TRDN: variants seen among roughly 807,000 people sequenced by gnomAD.
The protein encoded by TRDN is triadin in skeletal muscle.
TRDN carries 161 observed loss-of-function variants against 149.7 expected under a neutral mutation model. That is an observed-to-expected ratio of 1.08 (90% CI 0.95 to 1.23). The LOEUF (loss-of-function observed/expected upper bound fraction) is 1.23, where lower values mean the gene tolerates loss of function less well. Ranked by LOEUF, TRDN falls within the 50% of genes most tolerant of loss-of-function variation. The probability of loss-of-function intolerance (pLI) is 0.00; values close to 1 mark genes in which losing one functional copy is unlikely to be tolerated. For synonymous variants in TRDN, 294 were observed against 250.5 expected (o/e 1.17, Z -1.64); for missense variants, 896 against 823.5 (o/e 1.09, Z -1.08).
chr6:123,361,191 AC>A lies in TRDN; in HGVS notation c.1321+4943del, dbSNP rs369478776. ...CCACAATGGTTGAACACCATAGAATACTATGCAGCCATAAAAAAACGATGAG... is the reference window on the plus strand; with the variant it reads ...CCACAATGGTTGAACACCATAGAATATATGCAGCCATAAAAAAACGATGAG... On this transcript the variant is annotated intron_variant, in intron 20 of 40. Transcript: ENST00000334268. Among the ~76,000 whole-genome samples the A allele has an allele frequency of 7.6e-4, 115 of 152,280 alleles. 1 individual carries two copies. In the South Asian group the frequency reaches 0.022, roughly 29 times the overall value.
At chr6:123,503,687 A>G (rs767687038) in intron 8 of TRDN, 32 bp downstream of exon 8, 1 of 1,612,012 alleles carries the variant, frequency 6.2e-7, no homozygotes, top group Non-Finnish European at 8.5e-7. Flanking sequence ...TTCTCTTAGA[A>G]CCTCCGGCAG....
At chr6:123,569,818 G>T (rs1782471234) in intron 2 of TRDN, among the ~76,000 whole-genome samples, 1 of 152,150 alleles carries the variant, frequency 6.6e-6, no homozygotes, top group South Asian at 2.1e-4. Flanking sequence ...ACTAAAAAAT[G>T]CATCCCTGTG....
chr6:123,219,548 C>A (rs1208475841), intron 40 of TRDN, among the ~76,000 whole-genome samples: 2 of 151,532 alleles, frequency 1.3e-5, no homozygotes, highest in African/African-American at 4.8e-5. Flanking sequence ...AGAAGATGGC[C>A]AAATCCATAT....
chr6:123,329,929 G>A (rs1481274224), intron 23 of TRDN, among the ~76,000 whole-genome samples: 2 of 152,000 alleles, frequency 1.3e-5, no homozygotes, highest in Non-Finnish European at 2.9e-5. Flanking sequence ...ATGGTACAAT[G>A]AAGTAAAACT....
At chr6:123,445,828 C>T (rs1356264962) in intron 10 of TRDN, among the ~76,000 whole-genome samples, 10 of 123,916 alleles carry the variant, frequency 8.1e-5, no homozygotes, top group East Asian at 4.3e-4. Flanking sequence ...GTCAGTGTGG[C>T]GATTCCTCAG....
At position 123,377,901 on chromosome 6, in the gene TRDN, G is replaced by A. The variant is rs375421435; in HGVS notation, c.1187-3C>T. The stretch of plus-strand genomic sequence containing the variant: ...ATGTTTTTCTTTCTTTTCCTGTTCT[G>A]AAACATATTATTATTGTTATTATTA... On this transcript the variant is annotated splice_region_variant and splice_polypyrimidine_tract_variant and intron_variant, in intron 16 of 40. Coordinates refer to ENST00000334268, the MANE Select transcript of TRDN (RefSeq NM_006073.4). 23 of 1,462,096 alleles carry A rather than the reference G, an allele frequency of 1.6e-5. No homozygotes were observed. The African/African-American group carries it at 2.6e-4, about 16-fold the overall frequency. 90.6% of individuals were successfully genotyped at this position (1,462,096 alleles called of 1,614,324 possible). A position where few individuals can be genotyped will look rare whatever the true frequency, so the allele number is the denominator to read the frequency against.
At chr6:123,537,720 C>A (rs1202494012) in intron 4 of TRDN, among the ~76,000 whole-genome samples, 1 of 152,100 alleles carries the variant, frequency 6.6e-6, no homozygotes, top group East Asian at 1.9e-4. Context: ...CACAGGCATT[C>A]AAAATGAGAA....
chr6:123,569,816 A>C (rs1318153083), intron 2 of TRDN, among the ~76,000 whole-genome samples: 2 of 152,184 alleles, frequency 1.3e-5, no homozygotes, highest in Non-Finnish European at 2.9e-5. Context: ...TCACTAAAAA[A>C]TGCATCCCTG....
In TRDN at chr6:123,631,962, C is replaced by T. The variant is rs117445845; in HGVS notation, c.22+4792G>A. Among the ~76,000 whole-genome samples, 49 of 152,128 alleles carry T rather than the reference C, an allele frequency of 3.2e-4. No individual in the cohort carries two copies. The East Asian group carries it at 7.9e-3, about 25-fold the overall frequency. On this transcript the variant is annotated intron_variant, in intron 1 of 40. Coordinates refer to ENST00000334268, the MANE Select transcript of TRDN (RefSeq NM_006073.4). ...GTAATTTTAAAAGACAACCACAATA[C>T]GGTTATCCCACTAAAAATATAATTA...
At chr6:123,432,497 C>T (rs955901286) in intron 12 of TRDN, among the ~76,000 whole-genome samples, 2 of 151,638 alleles carry the variant, frequency 1.3e-5, no homozygotes, top group African/African-American at 2.4e-5. Flanking sequence ...ATTATCTTTT[C>T]GATTTCTGCT....
chr6:123,375,159 C>T (rs953925489), intron 19 of TRDN, among the ~76,000 whole-genome samples: 6 of 151,978 alleles, frequency 3.9e-5, no homozygotes, highest in Admixed American at 2.6e-4. Flanking sequence ...AGAATAGAAA[C>T]CTTAAAAGGG....
chr6:123,571,660 A>C (rs1782585837), intron 1 of TRDN, among the ~76,000 whole-genome samples: 2 of 152,130 alleles, frequency 1.3e-5, no homozygotes, highest in Admixed American at 1.3e-4. Flanking sequence ...ATAGATAAGC[A>C]GATAGTTTTA....
chr6:123,524,973 C>T (rs1053532672), intron 5 of TRDN, among the ~76,000 whole-genome samples: 1 of 151,924 alleles, frequency 6.6e-6, no homozygotes, highest in African/African-American at 2.4e-5. Flanking sequence ...CATCAGTAAC[C>T]ATCAGAGAAA....
chr6:123,342,387 T>G (rs1780096487), intron 21 of TRDN, among the ~76,000 whole-genome samples: 1 of 151,818 alleles, frequency 6.6e-6, no homozygotes, highest in Non-Finnish European at 1.5e-5. Context: ...GTCATGAAAT[T>G]TTTCTAGTGT....
chr6:123,389,948 A>T (rs1460760088), intron 13 of TRDN, among the ~76,000 whole-genome samples: 2 of 152,162 alleles, frequency 1.3e-5, no homozygotes, highest in East Asian at 3.8e-4. Context: ...TCTGAGTTTG[A>T]CTCAACAGAC....
At chr6:123,568,287 A>T (rs1186133161) in intron 2 of TRDN, among the ~76,000 whole-genome samples, 1 of 152,170 alleles carries the variant, frequency 6.6e-6, no homozygotes, top group African/African-American at 2.4e-5. Context: ...GCTCTCACAC[A>T]TTGTTGAGTG....
chr6:123,464,731 G>A, intron 10 of TRDN, 175 bp downstream of exon 10: 6 of 1,392,104 alleles, frequency 4.3e-6, no homozygotes, highest in Middle Eastern at 2.7e-4. Flanking sequence ...GGACATTTTT[G>A]GTTTTCTAAA....
intron 12 of TRDN, among the ~76,000 whole-genome samples, chr6:123,435,542 A>C (rs890477365): frequency 4.7e-5 from 7 of 149,970 alleles, no homozygotes; most frequent in African/African-American, 1.7e-4. Flanking sequence ...CACAAACACA[A>C]ACACACACAC....
At chr6:123,516,329 T>A in intron 5 of TRDN, 123 bp from the exon 6 acceptor site, 8 of 1,173,774 alleles carry the variant, frequency 6.8e-6, no homozygotes, top group Non-Finnish European at 8.8e-6. Flanking sequence ...TTAACTGGAT[T>A]CAGATTTTAT....
Sources: allele counts gnomAD v4.1 joint callset (sites outside exome capture counted in the v4.1 genomes callset), GRCh38; gene constraint gnomAD v4.1.1; transcripts MANE v1.5; gene names NCBI Gene and HGNC (gene_info 2026-07-23, HGNC 2026-07-21).